TRAT1: variants seen among roughly 807,000 people sequenced by gnomAD.
TRAT1 encodes the protein T cell receptor associated transmembrane adaptor 1, also known as T-cell receptor-associated transmembrane adapter 1.
TRAT1 carries 20 observed loss-of-function variants against 20.0 expected under a neutral mutation model. The ratio of observed to expected loss-of-function variants is 1.00; its 90% confidence interval spans 0.70 to 1.45. The LOEUF is 1.45. Ranked by LOEUF, TRAT1 falls within the 40% of genes most tolerant of loss-of-function variation. The pLI, the probability that TRAT1 is intolerant of heterozygous loss-of-function variation, is 0.00. For synonymous variants in TRAT1, 77 were observed against 74.2 expected (o/e 1.04, Z -0.20); for missense variants, 237 against 224.1 (o/e 1.06, Z -0.37).
At chr3:108,827,656 C>T (rs776751329) in intron 1 of TRAT1, among the ~76,000 whole-genome samples, 7 of 152,118 alleles carry the variant, frequency 4.6e-5, no homozygotes, top group South Asian at 2.1e-4. Flanking sequence ...TCAGGAATTA[C>T]GGACCCTAAA....
At chr3:108,852,525 G>A (rs953532759) in intron 5 of TRAT1, among the ~76,000 whole-genome samples, 1 of 152,102 alleles carries the variant, frequency 6.6e-6, no homozygotes, top group Non-Finnish European at 1.5e-5. Context: ...GCTTACTTAC[G>A]CATTAGAAAT....
intron 2 of TRAT1, among the ~76,000 whole-genome samples, chr3:108,831,825 G>A (rs1461698060): frequency 6.6e-6 from 1 of 152,002 alleles, no homozygotes; most frequent in Non-Finnish European, 1.5e-5. Context: ...TTACAGGTGT[G>A]AGCAACCACG....
intron 5 of TRAT1, among the ~76,000 whole-genome samples, chr3:108,851,812 A>T (rs1327560220): frequency 6.6e-6 from 1 of 152,206 alleles, no homozygotes; most frequent in Non-Finnish European, 1.5e-5. Context: ...ACTATTAAAC[A>T]TACAATTTGT....
chr3:108,837,618 T>C (rs1422794327), intron 2 of TRAT1, among the ~76,000 whole-genome samples: 2 of 152,204 alleles, frequency 1.3e-5, no homozygotes, highest in Non-Finnish European at 2.9e-5. Flanking sequence ...AGATAATCAT[T>C]TGGTCACTAT....
intron 1 of TRAT1, among the ~76,000 whole-genome samples, chr3:108,827,073 A>G (rs1945746590): frequency 6.6e-6 from 1 of 152,182 alleles, no homozygotes; most frequent in Non-Finnish European, 1.5e-5. Context: ...AACTTAAATC[A>G]TGATTTTCCT....
intron 2 of TRAT1, among the ~76,000 whole-genome samples, chr3:108,833,905 G>A (rs1203772320): frequency 2.0e-5 from 3 of 152,124 alleles, no homozygotes; most frequent in East Asian, 1.9e-4. Context: ...CCTAGTGGCC[G>A]TGTTGTTTCC....
chr3:108,854,353 T>C lies in TRAT1; in HGVS notation c.*476T>C, dbSNP rs892958515. On this transcript the variant is annotated 3_prime_UTR_variant, in exon 6 of 6. Coordinates refer to ENST00000295756, the MANE Select transcript of TRAT1 (RefSeq NM_016388.4). The stretch of plus-strand genomic sequence containing the variant: ...TTGAAATAAATTTCTGATTGAAAGG[T>C]ATAGGAAACATTAAAATGCATTACT... 1 of 153,006 alleles carries C rather than the reference T, an allele frequency of 6.5e-6. No homozygotes were observed. Among genetic ancestry groups the C allele is most frequent in the Non-Finnish European group, 1.5e-5 (1 of 68,570 alleles). The allele number at this position is 153,006 out of a possible 1,614,324, so 9.5% of individuals were successfully genotyped here. A position where few individuals can be genotyped will look rare whatever the true frequency, so the allele number is the denominator to read the frequency against.
intron 2 of TRAT1, among the ~76,000 whole-genome samples, chr3:108,838,329 G>A (rs1945856845): frequency 8.3e-6 from 1 of 120,680 alleles, no homozygotes; most frequent in Non-Finnish European, 1.6e-5. Flanking sequence ...TAGATAGATA[G>A]ATAGATAGAT....
chr3:108,847,024 G>A, intron 3 of TRAT1, 44 bp from the exon 4 acceptor site: 1 of 1,227,526 alleles, frequency 8.1e-7, no homozygotes, highest in Middle Eastern at 1.9e-4. Flanking sequence ...TGAATTATGT[G>A]AAAAGTGGAA....
intron 2 of TRAT1, among the ~76,000 whole-genome samples, chr3:108,832,088 A>T (rs1020854077): frequency 6.6e-6 from 1 of 152,224 alleles, no homozygotes; most frequent in African/African-American, 2.4e-5. Flanking sequence ...CTAATATAAA[A>T]TATGAAGAAG....
chr3:108,839,760 T>TG (rs1270355029), intron 3 of TRAT1, among the ~76,000 whole-genome samples: 1 of 152,216 alleles, frequency 6.6e-6, no homozygotes, highest in Non-Finnish European at 1.5e-5. Flanking sequence ...ACAGATACTC[T>TG]GAAAGAATAT....
chr3:108,825,860 C>T (rs1267969436), intron 1 of TRAT1, among the ~76,000 whole-genome samples: 2 of 152,066 alleles, frequency 1.3e-5, no homozygotes, highest in Non-Finnish European at 2.9e-5. Flanking sequence ...TGCCATACAA[C>T]CATGCCATCT....
chr3:108,823,057 T>C, intron 1 of TRAT1, 123 bp downstream of exon 1: 2 of 830,250 alleles, frequency 2.4e-6, no homozygotes, highest in Non-Finnish European at 1.9e-6. Context: ...TGGATAACTT[T>C]TAGTGTAATT....
At position 108,843,609 on chromosome 3, in the gene TRAT1, C is replaced by T. The variant is rs76391357; in HGVS notation, c.153-3459C>T. Among the ~76,000 whole-genome samples, 1,284 of 152,304 alleles carry T rather than the reference C, an allele frequency of 8.4e-3. 29 individuals are homozygous for T. The highest frequency in any genetic ancestry group is 0.043 in the Admixed American group (651 of 15,302). ...GCCTTACAGCTACCTCTTCATTGCT[C>T]TTTTCTCTTTTACAAGAAAACTTGA... On this transcript the variant is annotated intron_variant, in intron 3 of 5. Transcript: ENST00000295756.
chr3:108,825,387 T>A (rs1945728178), intron 1 of TRAT1, among the ~76,000 whole-genome samples: 1 of 152,148 alleles, frequency 6.6e-6, no homozygotes, highest in African/African-American at 2.4e-5. Flanking sequence ...TTAATTTAAA[T>A]AATGATTCAC....
At chr3:108,847,231 C>T in intron 4 of TRAT1, 102 bp downstream of exon 4, 3 of 650,116 alleles carry the variant, frequency 4.6e-6, no homozygotes, top group East Asian at 2.8e-5. Flanking sequence ...ACTTAGCTAT[C>T]CCAGTGATAA....
chr3:108,831,230 G>A (rs997884547), intron 2 of TRAT1, among the ~76,000 whole-genome samples: 4 of 152,154 alleles, frequency 2.6e-5, no homozygotes, highest in Non-Finnish European at 5.9e-5. Context: ...GTCAGAAGAC[G>A]ACTGGAAAAG....
At chr3:108,824,018 C>T (rs567683513) in intron 1 of TRAT1, among the ~76,000 whole-genome samples, 3 of 152,078 alleles carry the variant, frequency 2.0e-5, no homozygotes, top group Non-Finnish European at 2.9e-5. Context: ...ACTACAGGCG[C>T]GTGCCACCAC....
At chr3:108,831,376 G>A (rs915610938) in intron 2 of TRAT1, among the ~76,000 whole-genome samples, 6 of 152,140 alleles carry the variant, frequency 3.9e-5, no homozygotes, top group African/African-American at 1.4e-4. Flanking sequence ...ATCTGCATAT[G>A]CCACAACTGA....
Sources: allele counts gnomAD v4.1 joint callset (sites outside exome capture counted in the v4.1 genomes callset), GRCh38; gene constraint gnomAD v4.1.1; transcripts MANE v1.5; gene names NCBI Gene and HGNC (gene_info 2026-07-23, HGNC 2026-07-21).